Variants in ARAP2 observed in about 807,000 individuals in gnomAD.
ARAP2 encodes ArfGAP with RhoGAP domain, ankyrin repeat and PH domain 2.
ARAP2 carries 148 observed loss-of-function variants against 194.5 expected under a neutral mutation model. The ratio of observed to expected loss-of-function variants is 0.76; its 90% CI spans 0.67 to 0.87. The LOEUF (loss-of-function observed/expected upper bound fraction) is 0.87. Ranked by LOEUF, ARAP2 falls within the 40% of genes least tolerant of loss-of-function variation. ARAP2 has a pLI of 0.00. For missense variants in ARAP2, 2,128 were observed against 1,989.7 expected, an observed-to-expected ratio of 1.07 and a Z score of -1.32; for synonymous variants, 695 against 683.5, an observed-to-expected ratio of 1.02 and a Z score of -0.26.
At chr4:36,022,102 T>C (rs996050493) in intron 5 of ARAP2, among the ~76,000 whole-genome samples, 4 of 152,166 alleles carry the variant, frequency 2.6e-5, no homozygotes, top group African/African-American at 7.2e-5. Flanking sequence ...AGCAAAAATA[T>C]GTAATATGGT....
intron 2 of ARAP2, among the ~76,000 whole-genome samples, chr4:36,052,912 T>C (rs1384145249): frequency 6.6e-6 from 1 of 152,140 alleles, no homozygotes; most frequent in Non-Finnish European, 1.5e-5. Context: ...AGCTTACAAG[T>C]GAGCCGAGAT....
intron 5 of ARAP2, among the ~76,000 whole-genome samples, chr4:36,026,704 T>C (rs1717971547): frequency 6.6e-6 from 1 of 152,176 alleles, no homozygotes; most frequent in Non-Finnish European, 1.5e-5. Context: ...TGACTCTTTC[T>C]TGGGTGCATG....
At chr4:36,051,221 G>A (rs1722602690) in intron 3 of ARAP2, among the ~76,000 whole-genome samples, 1 of 152,100 alleles carries the variant, frequency 6.6e-6, no homozygotes, top group African/African-American at 2.4e-5. Flanking sequence ...ATAACAATGG[G>A]CCAGGCCCGG....
intron 19 of ARAP2, among the ~76,000 whole-genome samples, chr4:36,143,903 A>G (rs1039141264): frequency 6.6e-6 from 1 of 151,852 alleles, no homozygotes; most frequent in Non-Finnish European, 1.5e-5. Context: ...GAATTTCATT[A>G]GTTTTCTACT....
At chr4:36,147,788 T>C (rs1181811623) in intron 17 of ARAP2, 42 bp from the exon 18 acceptor site, 4 of 1,484,478 alleles carry the variant, frequency 2.7e-6, no homozygotes, top group East Asian at 2.3e-5. Flanking sequence ...ACAGTGAAAA[T>C]AGGAAATCCC....
chr4:36,015,034 C>G (rs1715533018), intron 8 of ARAP2, among the ~76,000 whole-genome samples: 1 of 152,062 alleles, frequency 6.6e-6, no homozygotes, highest in South Asian at 2.1e-4. Context: ...TTAGGGGAAA[C>G]ACAGAGATGT....
At chr4:36,193,702 T>C in intron 6 of ARAP2, 55 bp from the exon 7 acceptor site, 5 of 1,289,228 alleles carry the variant, frequency 3.9e-6, no homozygotes, top group Non-Finnish European at 5.5e-6. Context: ...ACTTAGATTG[T>C]TAAATTCATT....
intron 5 of ARAP2, among the ~76,000 whole-genome samples, chr4:36,029,863 T>G (rs1718619817): frequency 6.6e-6 from 1 of 152,092 alleles, no homozygotes; most frequent in Non-Finnish European, 1.5e-5. Context: ...ACCTATCATT[T>G]ATGTAACCAT....
At chr4:36,141,803 A>C (rs1036204871) in intron 19 of ARAP2, among the ~76,000 whole-genome samples, 7 of 151,638 alleles carry the variant, frequency 4.6e-5, no homozygotes, top group Non-Finnish European at 5.9e-5. Flanking sequence ...CATTCACACT[A>C]TCTCTATAGG....
At chr4:36,129,426 C>A (rs1724845665) in intron 20 of ARAP2, among the ~76,000 whole-genome samples, 2 of 151,936 alleles carry the variant, frequency 1.3e-5, no homozygotes, top group African/African-American at 4.8e-5. Context: ...AATCTTGCTT[C>A]TCTGCCCAAT....
intron 5 of ARAP2, among the ~76,000 whole-genome samples, chr4:36,024,457 T>C (rs1055434152): frequency 5.3e-5 from 8 of 152,168 alleles, no homozygotes; most frequent in African/African-American, 1.7e-4. Context: ...CTAGGTACTT[T>C]GTTCAGCTGA....
chr4:36,073,291 C>T (rs1453462678), intron 32 of ARAP2, among the ~76,000 whole-genome samples: 1 of 152,064 alleles, frequency 6.6e-6, no homozygotes, highest in African/African-American at 2.4e-5. Context: ...TCCCAAAGCA[C>T]TGGAATGTGA....
At chr4:36,201,342 C>A (rs1032756013) in intron 6 of ARAP2, among the ~76,000 whole-genome samples, 1 of 152,090 alleles carries the variant, frequency 6.6e-6, no homozygotes, top group Admixed American at 6.5e-5. Context: ...AGCTAAGTAC[C>A]CAGGACATCC....
At chr4:36,150,596 C>T (rs1456844865) in intron 16 of ARAP2, among the ~76,000 whole-genome samples, 1 of 151,612 alleles carries the variant, frequency 6.6e-6, no homozygotes, top group African/African-American at 2.4e-5. Context: ...GAGCCGAGAT[C>T]GCCTACTGCA....
chr4:36,098,840 C>T (rs1304495642), intron 27 of ARAP2, among the ~76,000 whole-genome samples: 1 of 152,006 alleles, frequency 6.6e-6, no homozygotes, highest in Non-Finnish European at 1.5e-5. Flanking sequence ...TAATATCACC[C>T]TTGAATTCAT....
At position 36,229,124 on chromosome 4, in the gene ARAP2, C is replaced by A; in HGVS notation, c.363G>T (p.Glu121Asp). Residue 121 changes from glutamate to aspartate, a missense_variant, in exon 2 of 33, where the codon GAG becomes GAT. By Grantham distance (45) the Glu-to-Asp change is conservative. Coordinates refer to ENST00000303965, the MANE Select transcript of ARAP2 (RefSeq NM_015230.4). ...SVQTSSPPQLETVRKNLEDSD... is the reference protein window; with the variant it reads ...SVQTSSPPQLDTVRKNLEDSD... ...TGTCTTCAAGATTTTTTCTAACAGT[C>A]TCCAACTGCGGTGGGCTAGATGTCT... The A allele has an allele frequency of 6.2e-7, 1 of 1,614,076 alleles. No homozygotes were observed.
At chr4:36,118,805 A>G (rs1038441113) in intron 24 of ARAP2, among the ~76,000 whole-genome samples, 19 of 151,428 alleles carry the variant, frequency 1.3e-4, no homozygotes, top group African/African-American at 4.6e-4. Context: ...AATGGAGAAA[A>G]TAATTCATTA....
At chr4:36,135,421 A>G (rs1003278545) in intron 19 of ARAP2, among the ~76,000 whole-genome samples, 10 of 151,816 alleles carry the variant, frequency 6.6e-5, no homozygotes, top group African/African-American at 1.7e-4. Flanking sequence ...TGAACTTGCT[A>G]TAACTACTAC....
intron 26 of ARAP2, among the ~76,000 whole-genome samples, 170 bp downstream of exon 26, chr4:36,114,000 T>C (rs527816829): frequency 2.0e-5 from 3 of 152,058 alleles, no homozygotes; most frequent in South Asian, 4.1e-4. Flanking sequence ...ATAATTATTT[T>C]GATGAGTAAA....
Sources: allele counts gnomAD v4.1 joint callset (sites outside exome capture counted in the v4.1 genomes callset), GRCh38; gene constraint gnomAD v4.1.1; transcripts MANE v1.5; gene names NCBI Gene and HGNC (gene_info 2026-07-23, HGNC 2026-07-21).